Variants in SEC23A observed in about 807,000 individuals in gnomAD.
SEC23A encodes the protein protein transport protein Sec23A.
SEC23A carries 56 observed loss-of-function variants against 103.7 expected under a neutral mutation model. The ratio of observed to expected loss-of-function variants is 0.54; its 90% CI spans 0.44 to 0.67. The LOEUF (loss-of-function observed/expected upper bound fraction) is 0.67, where lower values mean the gene tolerates loss of function less well. Among genes scored for constraint, SEC23A ranks in the 30% least tolerant of loss-of-function variants. The pLI, the probability that SEC23A is intolerant of heterozygous loss-of-function variation, is 0.00. For missense variants in SEC23A, 784 were observed against 936.4 expected, an observed-to-expected ratio of 0.84 and a Z score of 2.12; for synonymous variants, 281 against 293.0, an observed-to-expected ratio of 0.96 and a Z score of 0.42.
intron 17 of SEC23A, 26 bp from the exon 18 acceptor site, chr14:39,040,913 T>G: frequency 1.3e-6 from 2 of 1,583,618 alleles, no homozygotes; most frequent in Non-Finnish European, 1.7e-6. Flanking sequence ...TTAAAGAAAT[T>G]ACTTTAAATT....
chr14:39,055,005 T>C (rs1354718832), intron 14 of SEC23A, 138 bp downstream of exon 14: 1 of 925,456 alleles, frequency 1.1e-6, no homozygotes. Context: ...TGTGCTACTG[T>C]CTCAGTAATT....
At chr14:39,094,782 G>A (rs1887830262) in intron 2 of SEC23A, 1 of 499,412 alleles carries the variant, frequency 2.0e-6, no homozygotes, top group Non-Finnish European at 3.5e-6. Context: ...AGTTTGGTAT[G>A]TTCAAGAATC....
At chr14:39,082,880 G>T (rs73287665) in intron 7 of SEC23A, among the ~76,000 whole-genome samples, 10,157 of 152,168 alleles carry the variant, frequency 0.067, 1,133 homozygotes, top group African/African-American at 0.23. Context: ...ATCTTCCAAA[G>T]ATCAGGAAAG....
chr14:39,072,900 A>T (rs1313964863), intron 9 of SEC23A, among the ~76,000 whole-genome samples: 1 of 152,246 alleles, frequency 6.6e-6, no homozygotes, highest in Non-Finnish European at 1.5e-5. Context: ...ATGGGAATTT[A>T]AATTGGTACA....
chr14:39,033,806 G>A (rs1594429253), intron 19 of SEC23A, among the ~76,000 whole-genome samples: 2 of 152,170 alleles, frequency 1.3e-5, no homozygotes, highest in African/African-American at 2.4e-5. Context: ...CAAGAGTTAG[G>A]GAAAATTCCT....
At chr14:39,097,951 G>T (rs1249833156) in intron 1 of SEC23A, among the ~76,000 whole-genome samples, 2 of 151,896 alleles carry the variant, frequency 1.3e-5, no homozygotes, top group Non-Finnish European at 2.9e-5. Flanking sequence ...TAGCTGGGCA[G>T]GGTGGCATGC....
chr14:39,100,213 CAGT>C (rs1189280066), intron 1 of SEC23A, among the ~76,000 whole-genome samples: 1 of 152,140 alleles, frequency 6.6e-6, no homozygotes, highest in Non-Finnish European at 1.5e-5. Flanking sequence ...CACATTCCAG[CAGT>C]AGTTTGAAGA....
At position 39,085,917 on chromosome 14, in the gene SEC23A, G is replaced by A. The variant is rs745430336; in HGVS notation, c.684-11C>T. On this transcript the variant is annotated splice_polypyrimidine_tract_variant and intron_variant, in intron 6 of 19. Coordinates refer to ENST00000307712, the MANE Select transcript of SEC23A (RefSeq NM_006364.4). Reference sequence around the variant, plus strand: ...ACTGGTTGTAAGAATCTAAGAAACAGAATTAAATAAAAAGCCATTTGTAAA... The same window carrying A: ...ACTGGTTGTAAGAATCTAAGAAACAAAATTAAATAAAAAGCCATTTGTAAA... 6.2e-7 allele frequency: 1 copy of A among 1,610,112 alleles called. No individual in the cohort carries two copies. The highest frequency in any genetic ancestry group is 8.5e-7 in the Non-Finnish European group (1 of 1,176,740).
In SEC23A at chr14:39,040,543, C is replaced by G; in HGVS notation, c.2142+189G>C. The G allele has an allele frequency of 9.0e-6, 6 of 665,990 alleles. No individual in the cohort carries two copies. The Admixed American group carries it at 1.2e-4, about 14-fold the overall frequency. 41.3% of individuals were successfully genotyped at this position (665,990 alleles called of 1,614,324 possible). On this transcript the variant is annotated intron_variant, in intron 18 of 19. Coordinates refer to ENST00000307712, the MANE Select transcript of SEC23A (RefSeq NM_006364.4). ...GATGGAAAGTGCCAGGTTTAGGCAACTAGTCAATAATCTTACTGTTTTGCT... is the reference window on the plus strand; with the variant it reads ...GATGGAAAGTGCCAGGTTTAGGCAAGTAGTCAATAATCTTACTGTTTTGCT...
At chr14:39,058,638 AG>A (rs1886337430) in intron 13 of SEC23A, among the ~76,000 whole-genome samples, 1 of 152,240 alleles carries the variant, frequency 6.6e-6, no homozygotes, top group Non-Finnish European at 1.5e-5. Context: ...TCTTTCAATA[AG>A]CAAAATAATT....
At chr14:39,085,128 T>C (rs891766667) in intron 7 of SEC23A, among the ~76,000 whole-genome samples, 1 of 152,332 alleles carries the variant, frequency 6.6e-6, no homozygotes, top group South Asian at 2.1e-4. Context: ...TAATCAATCA[T>C]GCCTATGCAG....
chr14:39,034,865 T>C (rs533504410), intron 19 of SEC23A, among the ~76,000 whole-genome samples: 1 of 152,320 alleles, frequency 6.6e-6, no homozygotes, highest in Non-Finnish European at 1.5e-5. Context: ...CCTCCAGCAC[T>C]GTCACAGAAG....
chr14:39,060,033 T>G (rs1428873730), intron 13 of SEC23A, among the ~76,000 whole-genome samples: 2 of 152,142 alleles, frequency 1.3e-5, no homozygotes, highest in African/African-American at 2.4e-5. Context: ...TTGTAAAAAG[T>G]CCTTCATTTG....
chr14:39,095,180 C>T (rs1281132849), intron 2 of SEC23A, among the ~76,000 whole-genome samples: 2 of 152,066 alleles, frequency 1.3e-5, no homozygotes, highest in South Asian at 2.1e-4. Flanking sequence ...CCCAGATTTG[C>T]TAGTGGATTG....
At chr14:39,036,320 CAAA>C (rs59018206) in intron 19 of SEC23A, among the ~76,000 whole-genome samples, 112 of 69,888 alleles carry the variant, frequency 1.6e-3, no homozygotes, top group African/African-American at 4.7e-3. Flanking sequence ...GACTCCGTCT[CAAA>C]AAAAAAAAAA....
At chr14:39,054,287 A>G (rs1330182262) in intron 14 of SEC23A, among the ~76,000 whole-genome samples, 4 of 151,870 alleles carry the variant, frequency 2.6e-5, no homozygotes, top group Non-Finnish European at 4.4e-5. Context: ...AAAAAAAAAA[A>G]GGGACTAAGC....
intron 1 of SEC23A, among the ~76,000 whole-genome samples, chr14:39,099,428 G>A (rs1033292485): frequency 6.6e-6 from 1 of 151,966 alleles, no homozygotes; most frequent in African/African-American, 2.4e-5. Flanking sequence ...AAAGTGCTGG[G>A]ATTACATGCT....
chr14:39,055,938 G>A (rs1343136764), intron 13 of SEC23A, among the ~76,000 whole-genome samples: 1 of 152,228 alleles, frequency 6.6e-6, no homozygotes, highest in Non-Finnish European at 1.5e-5. Context: ...GAGCGGGACT[G>A]GATTGCAACC....
intron 13 of SEC23A, among the ~76,000 whole-genome samples, chr14:39,059,538 A>C (rs1886396925): frequency 6.6e-6 from 1 of 152,178 alleles, no homozygotes; most frequent in Non-Finnish European, 1.5e-5. Flanking sequence ...TTTCATTTTA[A>C]AAATATTTCA....
Sources: gnomAD v4.1 joint callset for allele counts (sites outside exome capture counted in the v4.1 genomes callset) on GRCh38, gnomAD v4.1.1 for gene constraint, MANE v1.5 for transcripts, NCBI Gene and HGNC (gene_info 2026-07-23, HGNC 2026-07-21) for gene names.